Variants in JARID2 observed in about 807,000 individuals in gnomAD.
The protein encoded by JARID2 is protein Jumonji.
A neutral mutation model predicts 125.6 loss-of-function variants in JARID2; 21 were observed. That is an observed-to-expected ratio of 0.17 (90% CI 0.12 to 0.24). JARID2 has a LOEUF of 0.24. Among genes scored for constraint, JARID2 ranks in the 10% least tolerant of loss-of-function variants. JARID2 has a pLI of 1.00. For synonymous variants in JARID2, 736 were observed against 661.6 expected, an observed-to-expected ratio of 1.11 and a Z score of -1.73; for missense variants, 1,303 against 1,639.6, an observed-to-expected ratio of 0.79 and a Z score of 3.55.
chr6:15,478,911 T>C lies in JARID2; in HGVS notation c.671-8396T>C, dbSNP rs76314742. ...CTCTCCCGAGCTCAGGTGATCCGCC[T>C]GCCTCGGCTTCCCAAAGTGTTGAGA... On this transcript the variant is annotated intron_variant, in intron 5 of 17. Coordinates refer to ENST00000341776, the MANE Select transcript of JARID2 (RefSeq NM_004973.4). Among the ~76,000 whole-genome samples, 692 of 152,302 alleles carry C rather than the reference T, an allele frequency of 4.5e-3. 4 individuals are homozygous for C. Among genetic ancestry groups the C allele is most frequent in the African/African-American group, 0.016 (664 of 41,556 alleles).
intron 3 of JARID2, among the ~76,000 whole-genome samples, chr6:15,424,616 G>C (rs1269465818): frequency 2.0e-5 from 3 of 152,110 alleles, no homozygotes; most frequent in African/African-American, 7.2e-5. Context: ...CCAGCACTTT[G>C]GGGGGCTGAG....
chr6:15,409,170 T>G (rs1765772810), intron 2 of JARID2, among the ~76,000 whole-genome samples: 1 of 152,184 alleles, frequency 6.6e-6, no homozygotes, highest in Non-Finnish European at 1.5e-5. Context: ...TTAGTACAAC[T>G]AACAGAAGTC....
At chr6:15,371,923 C>A (rs1443125720) in intron 1 of JARID2, among the ~76,000 whole-genome samples, 1 of 152,154 alleles carries the variant, frequency 6.6e-6, no homozygotes, top group Non-Finnish European at 1.5e-5. Context: ...GAAATCTCAG[C>A]CTGGCAGGCT....
intron 1 of JARID2, among the ~76,000 whole-genome samples, chr6:15,373,600 A>T (rs192756475): frequency 6.6e-6 from 1 of 152,324 alleles, no homozygotes; most frequent in East Asian, 1.9e-4. Context: ...TGCGGATCCA[A>T]TTCCATGTCT....
At chr6:15,258,462 C>G (rs1012849804) in intron 1 of JARID2, among the ~76,000 whole-genome samples, 6 of 152,138 alleles carry the variant, frequency 3.9e-5, no homozygotes, top group African/African-American at 1.4e-4. Context: ...GAGGCTGAAT[C>G]AAATGTTAAA....
At chr6:15,493,818 A>C (rs1456697970) in intron 6 of JARID2, among the ~76,000 whole-genome samples, 1 of 152,162 alleles carries the variant, frequency 6.6e-6, no homozygotes, top group Non-Finnish European at 1.5e-5. Context: ...ATTCCTCACT[A>C]TACCTCCTCT....
chr6:15,382,125 T>C lies in JARID2; in HGVS notation c.181+7873T>C, dbSNP rs1239251653. On this transcript the variant is annotated intron_variant, in intron 2 of 17. Transcript: ENST00000341776. ...TAAAAATACAAAAATTAGCCAGTCA[T>C]GGTGGCGCACGCCTGTACTCCCAGC... 2.0e-5 allele frequency among the ~76,000 whole-genome samples: 3 copies of C among 152,242 alleles called. 1 individual carries two copies. The highest frequency in any genetic ancestry group is 2.0e-4 in the Admixed American group (3 of 15,296).
At chr6:15,409,274 G>T (rs1272537854) in intron 2 of JARID2, among the ~76,000 whole-genome samples, 1 of 152,172 alleles carries the variant, frequency 6.6e-6, no homozygotes, top group Non-Finnish European at 1.5e-5. Context: ...AAATCAAGGG[G>T]CCACTCCGTA....
Position 15,306,328 on chromosome 6 carries a change from CTTT to C in JARID2, c.45+59765_45+59767del, listed in dbSNP as rs398000594. ...TCTCATTAACAACATAGTCATATTT[CTTT>C]TTTTTTTTTTTTTTTTTTTTGAGAC... On this transcript the variant is annotated intron_variant, in intron 1 of 17. Transcript: ENST00000341776. 1.7e-4 allele frequency among the ~76,000 whole-genome samples: 17 copies of C among 99,254 alleles called. No homozygotes were observed. In the East Asian group the frequency reaches 2.0e-3, roughly 12 times the overall value. 65.1% of individuals were successfully genotyped at this position (99,254 alleles called of 152,430 possible).
intron 1 of JARID2, among the ~76,000 whole-genome samples, chr6:15,348,004 A>G (rs1763299123): frequency 6.6e-6 from 1 of 152,168 alleles, no homozygotes; most frequent in Non-Finnish European, 1.5e-5. Context: ...AAGCATCCAA[A>G]GTGCTGGGTT....
chr6:15,413,000 GTGTTTTTGTTTTTTTTTTTTT>G (rs994382470), intron 3 of JARID2, among the ~76,000 whole-genome samples: 4 of 65,028 alleles, frequency 6.2e-5, no homozygotes, highest in Admixed American at 2.1e-4. Flanking sequence ...GGAAGAGCTT[GTGTTTTTGTTTTTTTTTTTTT>G]TGTTTTTTTT....
intron 1 of JARID2, among the ~76,000 whole-genome samples, chr6:15,336,067 A>G (rs560976024): frequency 6.6e-6 from 1 of 151,146 alleles, no homozygotes; most frequent in Non-Finnish European, 1.5e-5. Flanking sequence ...TCTGGGTGAC[A>G]GAGACCCGTC....
chr6:15,391,468 AG>A (rs1342420712), intron 2 of JARID2, among the ~76,000 whole-genome samples: 2 of 152,190 alleles, frequency 1.3e-5, no homozygotes, highest in Non-Finnish European at 2.9e-5. Context: ...TGAGACAGAC[AG>A]AGGGGAGAAA....
At chr6:15,435,329 T>G (rs953794487) in intron 3 of JARID2, among the ~76,000 whole-genome samples, 1 of 152,228 alleles carries the variant, frequency 6.6e-6, no homozygotes, top group Non-Finnish European at 1.5e-5. Context: ...GCTTGAGAGA[T>G]GATTTTTATA....
At position 15,511,373 on chromosome 6, in the gene JARID2, G is replaced by GAT; in HGVS notation, c.2924_2925insAT (p.Leu976CysfsTer10). 1 of 1,613,698 alleles carries GAT rather than the reference G, an allele frequency of 6.2e-7. No homozygotes were observed. Among genetic ancestry groups the GAT allele is most frequent in the Non-Finnish European group, 8.5e-7 (1 of 1,179,922 alleles). On this transcript the variant is annotated frameshift_variant, in exon 13 of 18. Transcript: ENST00000341776. LOFTEE classifies it high-confidence loss of function. ...CTGCTGCAAGCCAATGGCACCCCAG[G>GAT]GCTGCAGATGCTGGAAAGCAACGTC... is the stretch of plus-strand genomic sequence containing the variant.
At chr6:15,346,245 C>A (rs2060329623) in intron 1 of JARID2, among the ~76,000 whole-genome samples, 1 of 152,176 alleles carries the variant, frequency 6.6e-6, no homozygotes, top group Admixed American at 6.5e-5. Context: ...GAGAGTAATT[C>A]ATTTTTTATT....
intron 2 of JARID2, among the ~76,000 whole-genome samples, chr6:15,406,613 C>G (rs1333620757): frequency 6.6e-6 from 1 of 152,160 alleles, no homozygotes; most frequent in East Asian, 1.9e-4. Flanking sequence ...AGATAAGGGC[C>G]TGGAACAATG....
chr6:15,357,376 T>C (rs1052766940), intron 1 of JARID2, among the ~76,000 whole-genome samples: 2 of 152,244 alleles, frequency 1.3e-5, no homozygotes, highest in Non-Finnish European at 2.9e-5. Context: ...CTTATTTTTA[T>C]GCTCTGAATT....
intron 3 of JARID2, among the ~76,000 whole-genome samples, chr6:15,415,395 G>A (rs561059753): frequency 5.2e-4 from 79 of 151,888 alleles, no homozygotes; most frequent in African/African-American, 1.9e-3. Context: ...GGGCGGCCGG[G>A]CAGAGGCGCC....
Sources: gnomAD v4.1 joint callset for allele counts (sites outside exome capture counted in the v4.1 genomes callset) on GRCh38, gnomAD v4.1.1 for gene constraint, MANE v1.5 for transcripts, NCBI Gene and HGNC (gene_info 2026-07-23, HGNC 2026-07-21) for gene names.